The following GPATCH2 variants were observed in gnomAD, a reference collection of about 807,000 sequenced individuals.
GPATCH2 encodes the protein G patch domain-containing protein 2.
GPATCH2 carries 51 observed loss-of-function variants against 58.0 expected under a neutral mutation model. The observed-to-expected ratio is 0.88, with a 90% CI of 0.70 to 1.11. The LOEUF (loss-of-function observed/expected upper bound fraction) is 1.11. GPATCH2 is among the 50% of genes most tolerant of loss of function. The pLI is 0.00. For synonymous variants in GPATCH2, 222 were observed against 218.5 expected, an observed-to-expected ratio of 1.02 and a Z score of -0.14; for missense variants, 625 against 652.2, an observed-to-expected ratio of 0.96 and a Z score of 0.45.
rs1216549601 is a variant in GPATCH2 at position 217,485,439 on chromosome 1, G to A, written c.1277+6241C>T. 2.0e-5 allele frequency among the ~76,000 whole-genome samples: 3 copies of A among 149,936 alleles called. No individual in the cohort carries two copies. The East Asian group carries it at 5.9e-4, about 29-fold the overall frequency. ...AATTAACCATTACATGGTGTACGGTGTTAGGTGTGGGTTGAATATCTTTTT... is the reference window on the plus strand; with the variant it reads ...AATTAACCATTACATGGTGTACGGTATTAGGTGTGGGTTGAATATCTTTTT... On this transcript the variant is annotated intron_variant, in intron 8 of 9. Coordinates refer to ENST00000366935, the MANE Select transcript of GPATCH2 (RefSeq NM_018040.5).
chr1:217,448,322 G>A (rs1246899186), intron 9 of GPATCH2, among the ~76,000 whole-genome samples: 2 of 152,052 alleles, frequency 1.3e-5, no homozygotes, highest in African/African-American at 2.4e-5. Flanking sequence ...ATTTCTAAAT[G>A]TGTATGGTTA....
intron 5 of GPATCH2, among the ~76,000 whole-genome samples, chr1:217,588,140 TTCCCTCCC>T: frequency 6.6e-6 from 1 of 152,292 alleles, no homozygotes; most frequent in East Asian, 1.9e-4. Flanking sequence ...CTATCTTCAA[TTCCCTCCC>T]TCCCTTGGAT....
At chr1:217,567,325 C>G (rs1666299936) in intron 5 of GPATCH2, among the ~76,000 whole-genome samples, 1 of 152,202 alleles carries the variant, frequency 6.6e-6, no homozygotes, top group South Asian at 2.1e-4. Context: ...GGATTACAGG[C>G]ATGAGCCACC....
At chr1:217,517,035 TA>T (rs1663197205) in intron 5 of GPATCH2, among the ~76,000 whole-genome samples, 1 of 152,214 alleles carries the variant, frequency 6.6e-6, no homozygotes, top group Non-Finnish European at 1.5e-5. Flanking sequence ...TATACCATAA[TA>T]CAAATGTAAG....
chr1:217,501,459 C>T (rs551904350), intron 6 of GPATCH2, among the ~76,000 whole-genome samples: 1 of 152,154 alleles, frequency 6.6e-6, no homozygotes, highest in East Asian at 1.9e-4. Context: ...GGATCAATGA[C>T]CAAGAGTGCA....
chr1:217,452,891 T>C lies in GPATCH2; in HGVS notation c.1278-3554A>G, dbSNP rs899656856. Among the ~76,000 whole-genome samples the C allele has an allele frequency of 1.3e-5, 2 of 152,272 alleles. 1 individual carries two copies. ...CTAGCTGTATATTTCAGTAATTCTA[T>C]CAAGAATTGACTGTCTGCTACACAG... On this transcript the variant is annotated intron_variant, in intron 8 of 9. Transcript: ENST00000366935.
chr1:217,514,717 T>A lies in GPATCH2; in HGVS notation c.1166+105A>T. 5.4e-6 allele frequency: 3 copies of A among 551,692 alleles called. No individual in the cohort carries two copies. The South Asian group carries it at 9.2e-5, about 17-fold the overall frequency. The allele number at this position is 551,692 out of a possible 1,614,324, so 34.2% of individuals were successfully genotyped here. A position where few individuals can be genotyped will look rare whatever the true frequency, so the allele number is the denominator to read the frequency against. On this transcript the variant is annotated intron_variant, in intron 6 of 9. Transcript: ENST00000366935. ...AATGGTAAATTATACTTACTCTTTT[T>A]AAAAAGTACAAATTAAATAAGCTTT...
At chr1:217,560,439 T>C (rs954881772) in intron 5 of GPATCH2, among the ~76,000 whole-genome samples, 2 of 152,134 alleles carry the variant, frequency 1.3e-5, no homozygotes, top group Admixed American at 6.5e-5. Context: ...TCAATACATG[T>C]TGAATGAATG....
intron 5 of GPATCH2, among the ~76,000 whole-genome samples, chr1:217,594,681 T>G (rs1318667924): frequency 2.0e-5 from 3 of 152,216 alleles, no homozygotes; most frequent in African/African-American, 7.2e-5. Context: ...CTTAATTCAC[T>G]TTTTAAAAAA....
intron 1 of GPATCH2, among the ~76,000 whole-genome samples, chr1:217,623,320 AC>A (rs1669293733): frequency 6.6e-6 from 1 of 152,180 alleles, no homozygotes; most frequent in South Asian, 2.1e-4. Flanking sequence ...TTAGTGCTTT[AC>A]TGCAGCACAG....
At chr1:217,484,042 A>C (rs773428246) in intron 8 of GPATCH2, among the ~76,000 whole-genome samples, 1 of 152,166 alleles carries the variant, frequency 6.6e-6, no homozygotes, top group African/African-American at 2.4e-5. Flanking sequence ...ATCTTTGCTG[A>C]AGCCAACATA....
chr1:217,572,865 G>A (rs1666631879), intron 5 of GPATCH2, among the ~76,000 whole-genome samples: 1 of 152,220 alleles, frequency 6.6e-6, no homozygotes, highest in African/African-American at 2.4e-5. Flanking sequence ...TCTGGGTGAA[G>A]GGAGGGTTAA....
intron 8 of GPATCH2, among the ~76,000 whole-genome samples, chr1:217,486,567 A>C (rs1661462424): frequency 6.6e-6 from 1 of 152,162 alleles, no homozygotes; most frequent in South Asian, 2.1e-4. Context: ...TCCTGGGCTC[A>C]AGTGATCCTC....
intron 9 of GPATCH2, among the ~76,000 whole-genome samples, chr1:217,432,833 G>A (rs2102521632): frequency 6.6e-6 from 1 of 152,220 alleles, no homozygotes; most frequent in African/African-American, 2.4e-5. Flanking sequence ...TCTTACACCA[G>A]GGCTCAAATT....
chr1:217,528,443 A>C (rs1664027556), intron 5 of GPATCH2, among the ~76,000 whole-genome samples: 1 of 152,186 alleles, frequency 6.6e-6, no homozygotes, highest in African/African-American at 2.4e-5. Context: ...GATGAGGCAA[A>C]TCCTTCTGCC....
intron 6 of GPATCH2, among the ~76,000 whole-genome samples, chr1:217,508,902 C>T (rs868081322): frequency 3.3e-5 from 5 of 151,898 alleles, no homozygotes; most frequent in African/African-American, 1.2e-4. Context: ...AATGATTAGA[C>T]TTTAAATATA....
At chr1:217,613,135 T>A (rs1668714661) in intron 3 of GPATCH2, among the ~76,000 whole-genome samples, 1 of 152,110 alleles carries the variant, frequency 6.6e-6, no homozygotes, top group Non-Finnish European at 1.5e-5. Flanking sequence ...TCAGGATGGT[T>A]ACCCTTGCAT....
At chr1:217,561,973 A>C (rs1665950145) in intron 5 of GPATCH2, among the ~76,000 whole-genome samples, 1 of 152,188 alleles carries the variant, frequency 6.6e-6, no homozygotes, top group Non-Finnish European at 1.5e-5. Flanking sequence ...AAGGAAGAAT[A>C]TCTCTCTTCA....
At chr1:217,539,024 G>T (rs983909266) in intron 5 of GPATCH2, among the ~76,000 whole-genome samples, 1 of 152,116 alleles carries the variant, frequency 6.6e-6, no homozygotes, top group South Asian at 2.1e-4. Flanking sequence ...TGGGGTGTGG[G>T]TGTTGGTATG....
Sources: allele counts gnomAD v4.1 joint callset (sites outside exome capture counted in the v4.1 genomes callset), GRCh38; gene constraint gnomAD v4.1.1; transcripts MANE v1.5; gene names NCBI Gene and HGNC (gene_info 2026-07-23, HGNC 2026-07-21).